Variants in AP5B1 observed in about 807,000 individuals in gnomAD.
The protein encoded by AP5B1 is adaptor related protein complex 5 subunit beta 1.
AP5B1 carries 3 observed loss-of-function variants against 5.7 expected under a neutral mutation model. The ratio of observed to expected loss-of-function variants is 0.53; its 90% CI spans 0.24 to 1.36. The LOEUF (loss-of-function observed/expected upper bound fraction) is 1.36. Among genes scored for constraint, AP5B1 ranks in the 40% most tolerant of loss-of-function variants. The pLI is 0.17. For synonymous variants in AP5B1, 696 were observed against 555.5 expected (o/e 1.25, Z -3.56); for missense variants, 1,310 against 1,143.2 (o/e 1.15, Z -2.10).
At position 65,775,417 on chromosome 11, in the gene AP5B1, G is replaced by A. The variant is rs1364055910; in HGVS notation, c.*2439C>T. On this transcript the variant is annotated 3_prime_UTR_variant, in exon 2 of 2. Transcript: ENST00000532090. ...TGGAGTTCCGTGGAAGAGAGAAATG[G>A]AGTCCACTAATGAGGTGTCCTTTGA... is the stretch of plus-strand genomic sequence containing the variant. Among the ~76,000 whole-genome samples, 1 of 152,214 alleles carries A rather than the reference G, an allele frequency of 6.6e-6. No individual in the cohort carries two copies. The highest frequency in any genetic ancestry group is 1.5e-5 in the Non-Finnish European group (1 of 68,036).
rs1302916514 is a variant in AP5B1, at chr11:65,774,382, C to T, written c.*3474G>A. On this transcript the variant is annotated 3_prime_UTR_variant, in exon 2 of 2. Transcript: ENST00000532090. ...CTGGAAAATTGAGCACTGGCAATGA[C>T]ATATTTTGCCCCAAAACTGACCCCT... Among the ~76,000 whole-genome samples, 1 of 152,110 alleles carries T rather than the reference C, an allele frequency of 6.6e-6. No homozygotes were observed. The highest frequency in any genetic ancestry group is 1.5e-5 in the Non-Finnish European group (1 of 68,010).
At position 65,779,313 on chromosome 11, in the gene AP5B1, C is replaced by G. The variant is rs777607729; in HGVS notation, c.1180G>C (p.Gly394Arg). ...EGEEAAPLLL[G>R]PQLCRGLLPS... Reference sequence around the variant, plus strand: ...AGGAGACCACGGCATAGCTGGGGCCCTAGCAGCAGTGGGGCAGCCTCCTCA... The same window carrying G: ...AGGAGACCACGGCATAGCTGGGGCCGTAGCAGCAGTGGGGCAGCCTCCTCA... The change falls in exon 2 of 2, where the codon GGG becomes CGG. Residue 394 changes from glycine to arginine, a missense_variant. Gly to Arg is a moderately radical substitution (Grantham distance 125, BLOSUM62 -2). Coordinates refer to ENST00000532090, the MANE Select transcript of AP5B1 (RefSeq NM_138368.5). 4 of 1,599,160 alleles carry G rather than the reference C, an allele frequency of 2.5e-6. No individual in the cohort carries two copies. The highest frequency in any genetic ancestry group is 3.4e-6 in the Non-Finnish European group (4 of 1,172,346).
In AP5B1 at chr11:65,779,989, G is replaced by T; in HGVS notation, c.504C>A (p.Ser168=). 1 of 1,572,240 alleles carries T rather than the reference G, an allele frequency of 6.4e-7. No homozygotes were observed. The highest frequency in any genetic ancestry group is 8.6e-7 in the Non-Finnish European group (1 of 1,159,358). The change falls in exon 2 of 2, where the codon TCC becomes TCA. Residue 168 remains serine (S), a synonymous_variant. Transcript: ENST00000532090. Reference sequence around the variant, plus strand: ...CCAGCAGGCCCCGCAGCAACCCCAGGGAGCCCCCCAGCAGCCCGGGCTTGC... The same window carrying T: ...CCAGCAGGCCCCGCAGCAACCCCAGTGAGCCCCCCAGCAGCCCGGGCTTGC... ...ESCKPGLLGG[S]LGLLRGLLGQ...
chr11:65,777,576 C>A lies in AP5B1; in HGVS notation c.*280G>T. 1 of 428,834 alleles carries A rather than the reference C, an allele frequency of 2.3e-6. No individual in the cohort carries two copies. The highest frequency in any genetic ancestry group is 4.2e-6 in the Non-Finnish European group (1 of 240,400). 26.6% of individuals were successfully genotyped at this position (428,834 alleles called of 1,614,324 possible). A position where few individuals can be genotyped will look rare whatever the true frequency, so the allele number is the denominator to read the frequency against. ...ATGGGAAGATGCAGAAGGGTCCTCA[C>A]TGGGCTCTGGGCCCTCCACTATGGA... On this transcript the variant is annotated 3_prime_UTR_variant, in exon 2 of 2. Transcript: ENST00000532090.
At position 65,778,906 on chromosome 11, in the gene AP5B1, G is replaced by A; in HGVS notation, c.1587C>T (p.Ser529=). Residue 529 remains serine (S), a synonymous_variant, in exon 2 of 2, where the codon TCC becomes TCT. Coordinates refer to ENST00000532090, the MANE Select transcript of AP5B1 (RefSeq NM_138368.5). The part of the protein sequence containing the change: ...LKVVLRQVVV[S]RPGRDEALCW... ...AAAGAGCTTCATCCCTGCCCGGCCT[G>A]GACACCACCACCTGCCGCAACACCA... 1 of 1,612,090 alleles carries A rather than the reference G, an allele frequency of 6.2e-7. No homozygotes were observed. The highest frequency in any genetic ancestry group is 8.5e-7 in the Non-Finnish European group (1 of 1,179,400).
Position 65,779,025 on chromosome 11 carries a change from G to C in AP5B1, c.1468C>G (p.Leu490Val), listed in dbSNP as rs1023097299. 5.0e-6 allele frequency: 8 copies of C among 1,608,236 alleles called. No individual in the cohort carries two copies. Among genetic ancestry groups the C allele is most frequent in the Non-Finnish European group, 5.9e-6 (7 of 1,177,440 alleles). Residue 490 changes from leucine (L) to valine (V), a missense_variant, in exon 2 of 2, where the codon CTG (leucine) becomes GTG (valine). Coordinates refer to ENST00000532090, the MANE Select transcript of AP5B1 (RefSeq NM_138368.5). ...PTVLTPLIHG[L>V]AQLYQARPML... ...GGCCGGGCTTGGTACAGCTGGGCCA[G>C]TCCGTGGATCAAGGGGGTCAGCACC...
rs1857776618 is a variant in AP5B1 at position 65,777,306 on chromosome 11, ACT to A, written c.*548_*549del. On this transcript the variant is annotated 3_prime_UTR_variant, in exon 2 of 2. Coordinates refer to ENST00000532090, the MANE Select transcript of AP5B1 (RefSeq NM_138368.5). ...CACTAGTGTGTCTGGGTGAGAAGGAACTCTGTAGCTCTACAGTGCCGGGTTCT... is the reference window on the plus strand; with the variant it reads ...CACTAGTGTGTCTGGGTGAGAAGGAACTGTAGCTCTACAGTGCCGGGTTCT... The A allele has an allele frequency of 6.5e-6, 1 of 152,820 alleles. No individual in the cohort carries two copies. Among genetic ancestry groups the A allele is most frequent in the Non-Finnish European group, 1.5e-5 (1 of 68,646 alleles). The allele number at this position is 152,820 out of a possible 1,614,324, so 9.5% of individuals were successfully genotyped here.
rs1333983706 is a variant in AP5B1, at chr11:65,774,559, G to C, written c.*3297C>G. 6.6e-6 allele frequency among the ~76,000 whole-genome samples: 1 copy of C among 152,112 alleles called. No homozygotes were observed. On this transcript the variant is annotated 3_prime_UTR_variant, in exon 2 of 2. Transcript: ENST00000532090. ...CCTGAGTAGCTGGGATTATGAGCAC[G>C]CCACCACACCCGGCTAATTTTTGGA...
In AP5B1 at chr11:65,777,637, CTGTT is replaced by C. The variant is rs1389843348; in HGVS notation, c.*215_*218del. On this transcript the variant is annotated 3_prime_UTR_variant, in exon 2 of 2. Coordinates refer to ENST00000532090, the MANE Select transcript of AP5B1 (RefSeq NM_138368.5). ...TCCAGAGCTCTGAGCCAATACATTTCTGTTTATTATAACTTACCCCGTCTCAGGG... is the reference window on the plus strand; with the variant it reads ...TCCAGAGCTCTGAGCCAATACATTTCTATTATAACTTACCCCGTCTCAGGG... 5 of 580,592 alleles carry C rather than the reference CTGTT, an allele frequency of 8.6e-6. No homozygotes were observed. The African/African-American group carries it at 9.3e-5, about 11-fold the overall frequency. The allele number at this position is 580,592 out of a possible 1,614,324, so 36.0% of individuals were successfully genotyped here. A position where few individuals can be genotyped will look rare whatever the true frequency, so the allele number is the denominator to read the frequency against.
In AP5B1 at chr11:65,775,233, C is replaced by T. The variant is rs532417015; in HGVS notation, c.*2623G>A. Among the ~76,000 whole-genome samples, 233 of 152,202 alleles carry T rather than the reference C, an allele frequency of 1.5e-3. 1 individual carries two copies. Among genetic ancestry groups the T allele is most frequent in the African/African-American group, 5.2e-3 (216 of 41,522 alleles). On this transcript the variant is annotated 3_prime_UTR_variant, in exon 2 of 2. Transcript: ENST00000532090. ...GGAGCTGAAAGTCATCTGGTGTCCA[C>T]AACTGGAGGAATGGATGGATAAAAT...
rs1202801480 is a variant in AP5B1 at position 65,779,572 on chromosome 11, G to A, written c.921C>T (p.Leu307=). The change falls in exon 2 of 2, where the codon CTC becomes CTT. Residue 307 remains leucine (L), a synonymous_variant. Transcript: ENST00000532090. The stretch of plus-strand genomic sequence containing the variant: ...GCAGCCGTACCAGCTGCGGCTTGAA[G>A]AGTGCCGGTGGCTGTCCCTGCAGAC... The part of the protein sequence containing the change: ...LRGLQGQPPA[L]FKPQLVRLLG... 2 of 1,607,046 alleles carry A rather than the reference G, an allele frequency of 1.2e-6. No individual in the cohort carries two copies. Among genetic ancestry groups the A allele is most frequent in the East Asian group, 2.2e-5 (1 of 44,726 alleles).
chr11:65,775,783 G>C lies in AP5B1; in HGVS notation c.*2073C>G, dbSNP rs532801157. 3.9e-5 allele frequency: 6 copies of C among 152,298 alleles called. No individual in the cohort carries two copies. The highest frequency in any genetic ancestry group is 1.4e-4 in the African/African-American group (6 of 41,552). The allele number at this position is 152,298 out of a possible 1,614,324, so 9.4% of individuals were successfully genotyped here. On this transcript the variant is annotated 3_prime_UTR_variant, in exon 2 of 2. Transcript: ENST00000532090. ...TGTTTCCTGAAACTGACCCCTTCCT[G>C]ATTTGGAAATGACTTGCCGAGGTGA...
rs1857780408 is a variant in AP5B1 at position 65,777,617 on chromosome 11, A to G, written c.*239T>C. The stretch of plus-strand genomic sequence containing the variant: ...CCACTATGGACTTCCCAGCCTCCAG[A>G]GCTCTGAGCCAATACATTTCTGTTT... On this transcript the variant is annotated 3_prime_UTR_variant, in exon 2 of 2. Coordinates refer to ENST00000532090, the MANE Select transcript of AP5B1 (RefSeq NM_138368.5). 1.9e-6 allele frequency: 1 copy of G among 516,894 alleles called. No homozygotes were observed. Among genetic ancestry groups the G allele is most frequent in the African/African-American group, 1.9e-5 (1 of 52,204 alleles). 32.0% of individuals were successfully genotyped at this position (516,894 alleles called of 1,614,324 possible). A position where few individuals can be genotyped will look rare whatever the true frequency, so the allele number is the denominator to read the frequency against.
In AP5B1 at chr11:65,779,987, A is replaced by G; in HGVS notation, c.506T>C (p.Leu169Pro). The G allele has an allele frequency of 6.4e-7, 1 of 1,573,154 alleles. No individual in the cohort carries two copies. Among genetic ancestry groups the G allele is most frequent in the Non-Finnish European group, 8.6e-7 (1 of 1,159,806 alleles). ...SCKPGLLGGS[L>P]GLLRGLLGQE... ...CCCCAGCAGGCCCCGCAGCAACCCC[A>G]GGGAGCCCCCCAGCAGCCCGGGCTT... is the stretch of plus-strand genomic sequence containing the variant. Residue 169 changes from leucine to proline, a missense_variant, in exon 2 of 2, where the codon CTG (leucine) becomes CCG (proline). Coordinates refer to ENST00000532090, the MANE Select transcript of AP5B1 (RefSeq NM_138368.5).
rs1302383260 is a variant in AP5B1 at position 65,778,836 on chromosome 11, G to A, written c.1657C>T (p.Gln553Ter). ...MLAKVADGDA[Q>*]SATLNFLQAA... is the part of the protein sequence containing the mutation. ...TGTAGAAAGTTGAGGGTAGCACTCTGGGCATCTCCATCTGCCACCTTTGCC... is the reference window on the plus strand; with the variant it reads ...TGTAGAAAGTTGAGGGTAGCACTCTAGGCATCTCCATCTGCCACCTTTGCC... The change falls in exon 2 of 2, where the codon CAG becomes TAG. Residue 553 changes from glutamine (Q) to a stop codon, truncating the protein, a stop_gained. Transcript: ENST00000532090. LOFTEE classifies it low-confidence loss of function (END_TRUNC). 1.6e-5 allele frequency: 25 copies of A among 1,610,098 alleles called. No homozygotes were observed. Among genetic ancestry groups the A allele is most frequent in the Non-Finnish European group, 2.1e-5 (25 of 1,178,270 alleles).
chr11:65,779,664 TG>T lies in AP5B1; in HGVS notation c.828del (p.Asp276GlufsTer41). On this transcript the variant is annotated frameshift_variant, in exon 2 of 2. Transcript: ENST00000532090. LOFTEE classifies it low-confidence loss of function (END_TRUNC). Reference protein sequence around the residue: ...ELRAAVIQLLDTSYLLTPVAQ... With the variant: ...ELRAAVIQLLXTSYLLTPVAQ... ...GCCACAGGAGTGAGCAGATAGGAGG[TG>T]TCCAGAAGCTGGATCACCGCAGCCC... 6.2e-7 allele frequency: 1 copy of T among 1,611,488 alleles called. No individual in the cohort carries two copies. Among genetic ancestry groups the T allele is most frequent in the Non-Finnish European group, 8.5e-7 (1 of 1,179,480 alleles).
Position 65,779,355 on chromosome 11 carries a change from G to A in AP5B1, c.1138C>T (p.Pro380Ser). ...HCVLSFPENW[P>S]LGPEGEEAAP... ...GCCTCCTCACCTTCAGGGCCCAGCG[G>A]CCAGTTCTCAGGGAAGCTCAGGACG... Residue 380 changes from proline to serine, a missense_variant, in exon 2 of 2, where the codon CCG becomes TCG. Coordinates refer to ENST00000532090, the MANE Select transcript of AP5B1 (RefSeq NM_138368.5). 1 of 1,593,942 alleles carries A rather than the reference G, an allele frequency of 6.3e-7. No homozygotes were observed. Among genetic ancestry groups the A allele is most frequent in the Non-Finnish European group, 8.6e-7 (1 of 1,169,044 alleles).
In AP5B1 at chr11:65,779,814, G is replaced by C. The variant is rs752649265; in HGVS notation, c.679C>G (p.Leu227Val). The C allele has an allele frequency of 1.3e-6, 2 of 1,589,610 alleles. No homozygotes were observed. Among genetic ancestry groups the C allele is most frequent in the South Asian group, 1.1e-5 (1 of 87,630 alleles). ...PTGGGPWDWT[L>V]VEEGDGRLQP... ...AGGCGTCCATCGCCCTCCTCCACTA[G>C]TGTCCAATCCCAGGGACCACCCCCA... Residue 227 changes from leucine (L) to valine (V), a missense_variant, in exon 2 of 2, where the codon CTA becomes GTA. By Grantham distance (32) the Leu-to-Val change is conservative. Transcript: ENST00000532090.
chr11:65,780,250 G>C lies in AP5B1; in HGVS notation c.243C>G (p.Thr81=), dbSNP rs1332663271. ...AGGGCCGCGGGGGTAGGAGGACCAA[G>C]GTGTCCAACAGGGAGGTGGCGGCCA... ...AEVAATSLLD[T]LVLLPPRPSA... The change falls in exon 2 of 2, where the codon ACC becomes ACG. Residue 81 remains threonine, a synonymous_variant. Coordinates refer to ENST00000532090, the MANE Select transcript of AP5B1 (RefSeq NM_138368.5). The C allele has an allele frequency of 6.6e-7, 1 of 1,514,120 alleles. No individual in the cohort carries two copies. The allele number at this position is 1,514,120 out of a possible 1,614,324, so 93.8% of individuals were successfully genotyped here.
Sources: allele counts gnomAD v4.1 joint callset (sites outside exome capture counted in the v4.1 genomes callset), GRCh38; gene constraint gnomAD v4.1.1; transcripts MANE v1.5; gene names NCBI Gene and HGNC (gene_info 2026-07-23, HGNC 2026-07-21).